Variants in MN1 observed in about 807,000 individuals in gnomAD.
MN1 encodes the protein MN1 proto-oncogene, transcriptional regulator.
Under a neutral mutation model 86.9 loss-of-function variants are expected in MN1, and 19 were observed. The observed-to-expected ratio is 0.22, with a 90% CI of 0.15 to 0.32. The LOEUF (loss-of-function observed/expected upper bound fraction) is 0.32, where lower values mean the gene tolerates loss of function less well. Ranked by LOEUF, MN1 falls within the 10% of genes least tolerant of loss-of-function variation. MN1 has a pLI of 1.00. For synonymous variants in MN1, 928 were observed against 849.6 expected (o/e 1.09, Z -1.60); for missense variants, 1,841 against 1,862.0 (o/e 0.99, Z 0.21).
chr22:27,771,461 A>G (rs1481111822), intron 1 of MN1, among the ~76,000 whole-genome samples: 1 of 152,002 alleles, frequency 6.6e-6, no homozygotes, highest in Non-Finnish European at 1.5e-5. Context: ...TCCTGTCCTC[A>G]GGCAATCCTC....
chr22:27,760,921 C>T lies in MN1; in HGVS notation c.3782-9825G>A, dbSNP rs569085629. On this transcript the variant is annotated intron_variant, in intron 1 of 1. Coordinates refer to ENST00000302326, the MANE Select transcript of MN1 (RefSeq NM_002430.3). ...AGGCTCAGTCGGTCACAGTGAATGA[C>T]TCCAACACCCAGAGGGAGAGATGGC... 2.6e-5 allele frequency among the ~76,000 whole-genome samples: 4 copies of T among 152,348 alleles called. No homozygotes were observed. In the South Asian group the frequency reaches 6.2e-4, roughly 24 times the overall value.
At chr22:27,772,885 T>TC (rs761750305) in intron 1 of MN1, among the ~76,000 whole-genome samples, 140 of 121,894 alleles carry the variant, frequency 1.1e-3, no homozygotes, top group African/African-American at 3.5e-3. Context: ...ATCATCATCA[T>TC]AATCAAGCAG....
At chr22:27,786,042 G>C (rs2146309430) in intron 1 of MN1, among the ~76,000 whole-genome samples, 2 of 152,380 alleles carry the variant, frequency 1.3e-5, no homozygotes, top group South Asian at 4.1e-4. Flanking sequence ...ACTCTGCAAA[G>C]GCAAGGCCTT....
At chr22:27,772,311 T>C (rs2146302180) in intron 1 of MN1, among the ~76,000 whole-genome samples, 1 of 152,340 alleles carries the variant, frequency 6.6e-6, no homozygotes, top group African/African-American at 2.4e-5. Context: ...AAGTAATATT[T>C]AATTTTGTCA....
At chr22:27,793,933 T>C (rs2146313401) in intron 1 of MN1, among the ~76,000 whole-genome samples, 1 of 152,282 alleles carries the variant, frequency 6.6e-6, no homozygotes, top group African/African-American at 2.4e-5. Context: ...TACTGGCATG[T>C]TTTACGGCGT....
chr22:27,790,128 A>G (rs1423715083), intron 1 of MN1, among the ~76,000 whole-genome samples: 1 of 152,268 alleles, frequency 6.6e-6, no homozygotes, highest in Non-Finnish European at 1.5e-5. Context: ...CTGCTGATTA[A>G]AATGAAGGCC....
chr22:27,765,810 G>A (rs1314330989), intron 1 of MN1, among the ~76,000 whole-genome samples: 1 of 152,162 alleles, frequency 6.6e-6, no homozygotes, highest in Non-Finnish European at 1.5e-5. Flanking sequence ...CTTCTTACCC[G>A]CTCCCTGGTG....
chr22:27,797,175 G>T lies in MN1; in HGVS notation c.3369C>A (p.Gly1123=). The T allele has an allele frequency of 6.4e-7, 1 of 1,557,782 alleles. No homozygotes were observed. The highest frequency in any genetic ancestry group is 1.2e-5 in the South Asian group (1 of 86,150). ...GGCCCGGAGTGCCCGGATGGCCCGG[G>T]CCCCCACCGCCGCCGTAGCTGTCAG... is the stretch of plus-strand genomic sequence containing the variant. ...STPDSYGGGG[G]PGHPGTPGLE... The change falls in exon 1 of 2, where the codon GGC becomes GGA. Residue 1123 remains glycine, a synonymous_variant. Coordinates refer to ENST00000302326, the MANE Select transcript of MN1 (RefSeq NM_002430.3).
chr22:27,748,991 C>T lies in MN1; in HGVS notation c.*1924G>A, dbSNP rs1240426607. The T allele has an allele frequency of 8.6e-6, 2 of 231,444 alleles. No homozygotes were observed. Among genetic ancestry groups the T allele is most frequent in the African/African-American group, 4.4e-5 (2 of 45,252 alleles). 14.3% of individuals were successfully genotyped at this position (231,444 alleles called of 1,614,324 possible). On this transcript the variant is annotated 3_prime_UTR_variant, in exon 2 of 2. Coordinates refer to ENST00000302326, the MANE Select transcript of MN1 (RefSeq NM_002430.3). The stretch of plus-strand genomic sequence containing the variant: ...ACAGCCCATGGTGGGGGGAAATTCC[C>T]TTCCCTTTCCATTCCTTTTGTAGCA...
At chr22:27,772,384 C>T (rs1380736362) in intron 1 of MN1, among the ~76,000 whole-genome samples, 2 of 152,144 alleles carry the variant, frequency 1.3e-5, no homozygotes, top group African/African-American at 4.8e-5. Flanking sequence ...ATTTGCCTTT[C>T]GAGGGAGTTG....
At chr22:27,791,004 TC>T (rs1425805822) in intron 1 of MN1, among the ~76,000 whole-genome samples, 1 of 152,126 alleles carries the variant, frequency 6.6e-6, no homozygotes, top group East Asian at 1.9e-4. Context: ...TGAGCTCCTT[TC>T]CCCGCTCGCC....
Position 27,798,393 on chromosome 22 carries a change from C to T in MN1, c.2151G>A (p.Ala717=), listed in dbSNP as rs764726322. The part of the protein sequence containing the change: ...GGLGQLQSPG[A]GVGLPSAASE... ...AAGCAGCGCTGGGGAGCCCCACGCC[C>T]GCCCCGGGCGACTGCAGCTGACCCA... is the stretch of plus-strand genomic sequence containing the variant. Residue 717 remains alanine (A), a synonymous_variant, in exon 1 of 2, where the codon GCG becomes GCA. Transcript: ENST00000302326. The T allele has an allele frequency of 2.7e-6, 4 of 1,509,388 alleles. No homozygotes were observed. The highest frequency in any genetic ancestry group is 2.6e-6 in the Non-Finnish European group (3 of 1,137,970). 93.5% of individuals were successfully genotyped at this position (1,509,388 alleles called of 1,614,324 possible). A position where few individuals can be genotyped will look rare whatever the true frequency, so the allele number is the denominator to read the frequency against.
At chr22:27,760,442 G>C (rs1490923825) in intron 1 of MN1, among the ~76,000 whole-genome samples, 3 of 152,158 alleles carry the variant, frequency 2.0e-5, no homozygotes, top group Non-Finnish European at 4.4e-5. Context: ...CCAGGAGATT[G>C]AGGCTGCAGT....
At chr22:27,771,034 A>C (rs1168741150) in intron 1 of MN1, among the ~76,000 whole-genome samples, 1 of 152,048 alleles carries the variant, frequency 6.6e-6, no homozygotes, top group African/African-American at 2.4e-5. Flanking sequence ...CATTGGGTCC[A>C]TTTATTGAGC....
rs532851580 is a variant in MN1 at position 27,749,464 on chromosome 22, G to A, written c.*1451C>T. 105 of 231,974 alleles carry A rather than the reference G, an allele frequency of 4.5e-4. No homozygotes were observed. The highest frequency in any genetic ancestry group is 6.8e-4 in the Non-Finnish European group (80 of 117,230). The allele number at this position is 231,974 out of a possible 1,614,324, so 14.4% of individuals were successfully genotyped here. A position where few individuals can be genotyped will look rare whatever the true frequency, so the allele number is the denominator to read the frequency against. On this transcript the variant is annotated 3_prime_UTR_variant, in exon 2 of 2. Transcript: ENST00000302326. Reference sequence around the variant, plus strand: ...TCAGTTACTTCCTGTCTAACCCACCGGGGAATCTATGTGCCCCCCACCACA... The same window carrying A: ...TCAGTTACTTCCTGTCTAACCCACCAGGGAATCTATGTGCCCCCCACCACA...
chr22:27,773,755 CA>C (rs1043166399), intron 1 of MN1, among the ~76,000 whole-genome samples: 5 of 152,190 alleles, frequency 3.3e-5, no homozygotes, highest in Admixed American at 3.3e-4. Context: ...CTCCCGGGTT[CA>C]AGCAGTTCTC....
chr22:27,776,944 C>G (rs1408748274), intron 1 of MN1, among the ~76,000 whole-genome samples: 1 of 152,156 alleles, frequency 6.6e-6, no homozygotes, highest in Non-Finnish European at 1.5e-5. Context: ...ACAGAGCAAA[C>G]ACCTGGGGAA....
chr22:27,769,558 T>TTTTTTTTTTTTTTGAGGCAA, intron 1 of MN1, among the ~76,000 whole-genome samples: 1 of 114,750 alleles, frequency 8.7e-6, no homozygotes, highest in African/African-American at 3.6e-5. Flanking sequence ...GCCAATTTTT[T>TTTTTTTTTTTTTTGAGGCAA]TTTTTTTTTT....
At chr22:27,795,516 G>C (rs183561545) in intron 1 of MN1, among the ~76,000 whole-genome samples, 72 of 151,792 alleles carry the variant, frequency 4.7e-4, no homozygotes, top group Middle Eastern at 3.4e-3. Context: ...AATTGCACTG[G>C]GGGGGGACAC....
Sources: allele counts gnomAD v4.1 joint callset (sites outside exome capture counted in the v4.1 genomes callset), GRCh38; gene constraint gnomAD v4.1.1; transcripts MANE v1.5; gene names NCBI Gene and HGNC (gene_info 2026-07-23, HGNC 2026-07-21).